The following IRX5 variants were observed in gnomAD, a reference collection of about 807,000 sequenced individuals.
IRX5 encodes iroquois homeobox 5, also known as iroquois-class homeodomain protein IRX-5.
Under a neutral mutation model 37.6 loss-of-function variants are expected in IRX5, and 8 were observed. The observed-to-expected ratio is 0.21, with a 90% CI of 0.12 to 0.38. IRX5 has a LOEUF of 0.38. Ranked by LOEUF, IRX5 falls within the 10% of genes least tolerant of loss-of-function variation. The pLI, the probability that IRX5 is intolerant of heterozygous loss-of-function variation, is 1.00. For synonymous variants in IRX5, 359 were observed against 328.6 expected, an observed-to-expected ratio of 1.09 and a Z score of -1.00; for missense variants, 635 against 695.2, an observed-to-expected ratio of 0.91 and a Z score of 0.97.
In IRX5 at chr16:54,931,318, T is replaced by C. The variant is rs1340091816; in HGVS notation, c.120T>C (p.Ser40=). 1 of 1,612,064 alleles carries C rather than the reference T, an allele frequency of 6.2e-7. No homozygotes were observed. The part of the protein sequence containing the change: ...GPRTDELGRS[S]SGSAFSPYAG... ...GCACGGATGAGCTCGGCCGCTCTTC[T>C]TCGGGCTCCGCGTTCTCGCCCTACG... is the stretch of plus-strand genomic sequence containing the variant. The change falls in exon 1 of 3, where the codon TCT becomes TCC. Residue 40 remains serine (S), a synonymous_variant. Transcript: ENST00000394636.
At chr16:54,931,473 C>T (rs1362970763) in intron 1 of IRX5, 26 bp downstream of exon 1, 2 of 1,528,140 alleles carry the variant, frequency 1.3e-6, no homozygotes, top group Admixed American at 2.0e-5. Flanking sequence ...CCGCGGCGGG[C>T]GAGGGGCAGC....
chr16:54,930,984 G>T lies in IRX5; in HGVS notation c.-215G>T. On this transcript the variant is annotated 5_prime_UTR_variant, in exon 1 of 3. Coordinates refer to ENST00000394636, the MANE Select transcript of IRX5 (RefSeq NM_005853.6). ...AGGGGAAAAAAAGCCCAGCTGGGGC[G>T]AGCGAGGCGCGCAGAGGAGCGGGCG... The T allele has an allele frequency of 6.3e-6, 1 of 158,532 alleles. No individual in the cohort carries two copies. The highest frequency in any genetic ancestry group is 1.9e-4 in the South Asian group (1 of 5,234). 9.8% of individuals were successfully genotyped at this position (158,532 alleles called of 1,614,324 possible).
In IRX5 at chr16:54,932,854, C is replaced by T. The variant is rs772003623; in HGVS notation, c.606C>T (p.Asp202=). ...TTGACCTGGAGAAGAACGACGAGGACGAGCCCCAGAAGCCCGAGGACAAGG... is the reference window on the plus strand; with the variant it reads ...TTGACCTGGAGAAGAACGACGAGGATGAGCCCCAGAAGCCCGAGGACAAGG... ...ENIDLEKNDE[D]EPQKPEDKGD... Residue 202 remains aspartate (D), a synonymous_variant, in exon 2 of 3, where the codon GAC becomes GAT. Transcript: ENST00000394636. The surrounding 1 kb of genome is among the most constrained non-coding windows in gnomAD (Gnocchi z 6.7). 3 of 1,613,810 alleles carry T rather than the reference C, an allele frequency of 1.9e-6. No homozygotes were observed. The highest frequency in any genetic ancestry group is 1.7e-5 in the Admixed American group (1 of 59,978).
At chr16:54,931,512 G>T in intron 1 of IRX5, 65 bp downstream of exon 1, 1 of 1,461,596 alleles carries the variant, frequency 6.8e-7, no homozygotes, top group Non-Finnish European at 9.0e-7. Flanking sequence ...CGGGGGCGGA[G>T]GGGGACACGG....
At position 54,933,286 on chromosome 16, in the gene IRX5, C is replaced by T; in HGVS notation, c.865C>T (p.Pro289Ser). 2 of 1,371,164 alleles carry T rather than the reference C, an allele frequency of 1.5e-6. No homozygotes were observed. The highest frequency in any genetic ancestry group is 1.7e-5 in the South Asian group (1 of 57,632). 84.9% of individuals were successfully genotyped at this position (1,371,164 alleles called of 1,614,324 possible). A position where few individuals can be genotyped will look rare whatever the true frequency, so the allele number is the denominator to read the frequency against. The change falls in exon 3 of 3, where the codon CCT (proline) becomes TCT (serine). Residue 289 changes from proline (P) to serine (S), a missense_variant. This residue lies in a region of IRX5 where 244 missense variants were observed against 205.4 expected (regional missense o/e 1.19). Coordinates refer to ENST00000394636, the MANE Select transcript of IRX5 (RefSeq NM_005853.6). Reference protein sequence around the residue: ...AAARLAEDPAPHYPAGAPAPG... With the variant: ...AAARLAEDPASHYPAGAPAPG... Reference sequence around the variant, plus strand: ...GGCGCGGCTGGCGGAGGACCCGGCCCCTCACTACCCCGCCGGAGCGCCGGC... The same window carrying T: ...GGCGCGGCTGGCGGAGGACCCGGCCTCTCACTACCCCGCCGGAGCGCCGGC...
Position 54,933,097 on chromosome 16 carries a change from G to T in IRX5, c.676G>T (p.Ala226Ser). The T allele has an allele frequency of 6.3e-7, 1 of 1,592,012 alleles. No homozygotes were observed. The highest frequency in any genetic ancestry group is 8.5e-7 in the Non-Finnish European group (1 of 1,174,368). ...PEAGGAEQKA[A>S]SGCERLQGPP... ...CGCAGGAGGAGCTGAGCAGAAGGCG[G>T]CTTCGGGCTGCGAACGGCTTCAGGG... The change falls in exon 3 of 3, where the codon GCT becomes TCT. Residue 226 changes from alanine to serine, a missense_variant. Transcript: ENST00000394636.
chr16:54,933,345 T>C lies in IRX5; in HGVS notation c.924T>C (p.Pro308=), dbSNP rs2142355386. ...PGPHPAAGEV[P]PGPGGPSVIH... ...CGCATCCAGCCGCGGGCGAGGTGCC[T>C]CCGGGTCCCGGCGGGCCCTCGGTTA... Residue 308 remains proline (P), a synonymous_variant, in exon 3 of 3, where the codon CCT becomes CCC. Coordinates refer to ENST00000394636, the MANE Select transcript of IRX5 (RefSeq NM_005853.6). The C allele has an allele frequency of 1.3e-6, 2 of 1,490,662 alleles. No homozygotes were observed. Among genetic ancestry groups the C allele is most frequent in the Non-Finnish European group, 1.8e-6 (2 of 1,124,950 alleles). 92.3% of individuals were successfully genotyped at this position (1,490,662 alleles called of 1,614,324 possible). A position where few individuals can be genotyped will look rare whatever the true frequency, so the allele number is the denominator to read the frequency against.
chr16:54,933,446 C>T lies in IRX5; in HGVS notation c.1025C>T (p.Thr342Ile), dbSNP rs1963928966. Residue 342 changes from threonine to isoleucine, a missense_variant, in exon 3 of 3, where the codon ACA becomes ATA. Thr to Ile is a moderately conservative substitution (Grantham distance 89). Coordinates refer to ENST00000394636, the MANE Select transcript of IRX5 (RefSeq NM_005853.6). The part of the protein sequence containing the change: ...PKLWSLAEIA[T>I]SSDKVKDGGG... The stretch of plus-strand genomic sequence containing the variant: ...CTGTGGTCTTTGGCAGAGATCGCCA[C>T]ATCGTCGGACAAGGTCAAGGACGGG... The T allele has an allele frequency of 1.2e-6, 2 of 1,611,732 alleles. No homozygotes were observed. The highest frequency in any genetic ancestry group is 1.7e-6 in the Non-Finnish European group (2 of 1,179,440).
In IRX5 at chr16:54,933,093, G is replaced by A. The variant is rs759395667; in HGVS notation, c.672G>A (p.Lys224=). The change falls in exon 3 of 3, where the codon AAG becomes AAA. Residue 224 remains lysine (K), a synonymous_variant. Transcript: ENST00000394636. ...EGPEAGGAEQ[K]AASGCERLQG... is the part of the protein sequence containing the mutation. ...CGCCCGCAGGAGGAGCTGAGCAGAA[G>A]GCGGCTTCGGGCTGCGAACGGCTTC... 18 of 1,592,858 alleles carry A rather than the reference G, an allele frequency of 1.1e-5. 1 individual carries two copies. In the South Asian group the frequency reaches 2.0e-4, roughly 18 times the overall value.
At position 54,932,272 on chromosome 16, in the gene IRX5, G is replaced by T; in HGVS notation, c.250-226G>T. 1 of 670,694 alleles carries T rather than the reference G, an allele frequency of 1.5e-6. No individual in the cohort carries two copies. The highest frequency in any genetic ancestry group is 2.9e-4 in the Middle Eastern group (1 of 3,422). The allele number at this position is 670,694 out of a possible 1,614,324, so 41.5% of individuals were successfully genotyped here. Reference sequence around the variant, plus strand: ...GACACCGAGGCCGGGACAGCTTCAGGGGCCCCAGAAGGACCTGACCCAGAA... The same window carrying T: ...GACACCGAGGCCGGGACAGCTTCAGTGGCCCCAGAAGGACCTGACCCAGAA... On this transcript the variant is annotated intron_variant, in intron 1 of 2. Coordinates refer to ENST00000394636, the MANE Select transcript of IRX5 (RefSeq NM_005853.6). This position sits in a 1 kb window ranked among gnomAD's most constrained non-coding sequence, Gnocchi z 6.7.
chr16:54,931,830 C>T (rs973036992), intron 1 of IRX5, among the ~76,000 whole-genome samples: 57 of 152,314 alleles, frequency 3.7e-4, no homozygotes, highest in African/African-American at 1.3e-3. Flanking sequence ...CGTGCTAAGT[C>T]TATGTAAATG....
Position 54,933,858 on chromosome 16 carries a change from T to C in IRX5, c.1437T>C (p.Gly479=). The change falls in exon 3 of 3, where the codon GGT becomes GGC. Residue 479 remains glycine, a synonymous_variant. Transcript: ENST00000394636. The part of the protein sequence containing the change: ...CKDSPYELKK[G]MSDI ...ACTCTCCCTATGAATTGAAGAAAGGTATGTCCGACATTTAACGCGGGCTGC... is the reference window on the plus strand; with the variant it reads ...ACTCTCCCTATGAATTGAAGAAAGGCATGTCCGACATTTAACGCGGGCTGC... 6.3e-7 allele frequency: 1 copy of C among 1,589,878 alleles called. No individual in the cohort carries two copies. Among genetic ancestry groups the C allele is most frequent in the Non-Finnish European group, 8.6e-7 (1 of 1,161,358 alleles).
chr16:54,932,385 G>T lies in IRX5; in HGVS notation c.250-113G>T. The T allele has an allele frequency of 8.1e-7, 1 of 1,238,738 alleles. No individual in the cohort carries two copies. Among genetic ancestry groups the T allele is most frequent in the Non-Finnish European group, 1.1e-6 (1 of 904,322 alleles). The allele number at this position is 1,238,738 out of a possible 1,614,324, so 76.7% of individuals were successfully genotyped here. A position where few individuals can be genotyped will look rare whatever the true frequency, so the allele number is the denominator to read the frequency against. Reference sequence around the variant, plus strand: ...GCCTTGCCCCGTAGGAAGCTGGAGTGCGGGCCTCGTCCACCCACAGACCCC... The same window carrying T: ...GCCTTGCCCCGTAGGAAGCTGGAGTTCGGGCCTCGTCCACCCACAGACCCC... On this transcript the variant is annotated intron_variant, in intron 1 of 2. Coordinates refer to ENST00000394636, the MANE Select transcript of IRX5 (RefSeq NM_005853.6). This position sits in a 1 kb window ranked among gnomAD's most constrained non-coding sequence, Gnocchi z 6.7.
At chr16:54,933,049 C>T (rs776117863) in intron 2 of IRX5, 28 bp from the exon 3 acceptor site, 3 of 1,602,980 alleles carry the variant, frequency 1.9e-6, no homozygotes, top group African/African-American at 1.3e-5. Flanking sequence ...GGCCTCTGCG[C>T]CCCTGACAGC....
In IRX5 at chr16:54,933,809, A is replaced by C. The variant is rs1596763814; in HGVS notation, c.1388A>C (p.Gln463Pro). The C allele has an allele frequency of 6.2e-7, 1 of 1,614,190 alleles. No homozygotes were observed. Among genetic ancestry groups the C allele is most frequent in the Non-Finnish European group, 8.5e-7 (1 of 1,180,040 alleles). The change falls in exon 3 of 3, where the codon CAG becomes CCG. Residue 463 changes from glutamine (Q) to proline (P), a missense_variant. Gln to Pro is a moderately conservative substitution (Grantham distance 76). Transcript: ENST00000394636. ...LAKDPKMLRS[Q>P]SQLDLCKDSP... is the part of the protein sequence containing the mutation. ...AAAGACCCGAAAATGTTGCGGAGCC[A>C]GTCTCAGCTAGACCTGTGCAAAGAC...
In IRX5 at chr16:54,931,315, T is replaced by G. The variant is rs763986075; in HGVS notation, c.117T>G (p.Ser39=). 3 of 1,612,158 alleles carry G rather than the reference T, an allele frequency of 1.9e-6. No homozygotes were observed. In the East Asian group the frequency reaches 6.7e-5, roughly 36 times the overall value. Residue 39 remains serine (S), a synonymous_variant, in exon 1 of 3, where the codon TCT becomes TCG. Transcript: ENST00000394636. ...SGPRTDELGR[S]SSGSAFSPYA... ...CCCGCACGGATGAGCTCGGCCGCTC[T>G]TCTTCGGGCTCCGCGTTCTCGCCCT...
At position 54,931,138 on chromosome 16, in the gene IRX5, C is replaced by G; in HGVS notation, c.-61C>G. On this transcript the variant is annotated 5_prime_UTR_variant, in exon 1 of 3. Transcript: ENST00000394636. The stretch of plus-strand genomic sequence containing the variant: ...CCAGGTGCCCGCCCGCTCGCCCTCG[C>G]AGGGCGCCGCCCGGCTCGTTGGCGG... The G allele has an allele frequency of 8.0e-6, 10 of 1,245,322 alleles. No individual in the cohort carries two copies. The highest frequency in any genetic ancestry group is 1.0e-5 in the Non-Finnish European group (10 of 990,054). The allele number at this position is 1,245,322 out of a possible 1,614,324, so 77.1% of individuals were successfully genotyped here. A position where few individuals can be genotyped will look rare whatever the true frequency, so the allele number is the denominator to read the frequency against.
In IRX5 at chr16:54,933,450, G is replaced by A. The variant is rs745371506; in HGVS notation, c.1029G>A (p.Ser343=). 7 of 1,611,600 alleles carry A rather than the reference G, an allele frequency of 4.3e-6. No homozygotes were observed. Among genetic ancestry groups the A allele is most frequent in the Middle Eastern group, 3.3e-4 (2 of 6,080 alleles). The change falls in exon 3 of 3, where the codon TCG becomes TCA. Residue 343 remains serine, a synonymous_variant. Coordinates refer to ENST00000394636, the MANE Select transcript of IRX5 (RefSeq NM_005853.6). ...KLWSLAEIAT[S]SDKVKDGGGG... ...GGTCTTTGGCAGAGATCGCCACATC[G>A]TCGGACAAGGTCAAGGACGGGGGCG...
Position 54,933,294 on chromosome 16 carries a change from C to T in IRX5, c.873C>T (p.Tyr291=). 1 of 1,396,964 alleles carries T rather than the reference C, an allele frequency of 7.2e-7. No homozygotes were observed. The highest frequency in any genetic ancestry group is 3.1e-5 in the East Asian group (1 of 32,758). 86.5% of individuals were successfully genotyped at this position (1,396,964 alleles called of 1,614,324 possible). The change falls in exon 3 of 3, where the codon TAC becomes TAT. Residue 291 remains tyrosine, a synonymous_variant. Coordinates refer to ENST00000394636, the MANE Select transcript of IRX5 (RefSeq NM_005853.6). ...ARLAEDPAPH[Y]PAGAPAPGPH... The stretch of plus-strand genomic sequence containing the variant: ...TGGCGGAGGACCCGGCCCCTCACTA[C>T]CCCGCCGGAGCGCCGGCGCCCGGCC...
Sources: gnomAD v4.1 joint callset for allele counts (sites outside exome capture counted in the v4.1 genomes callset) on GRCh38, gnomAD v4.1.1 for gene constraint, gnomAD v4.1.1 regional missense constraint, Gnocchi (gnomAD v3.1) non-coding constraint, MANE v1.5 for transcripts, NCBI Gene and HGNC (gene_info 2026-07-23, HGNC 2026-07-21) for gene names.